Variants in PITHD1 observed in about 807,000 individuals in gnomAD.
The protein encoded by PITHD1 is PITH domain-containing protein 1.
Under a neutral mutation model 27.5 loss-of-function variants are expected in PITHD1, and 8 were observed. The observed-to-expected ratio is 0.29, with a 90% CI of 0.17 to 0.52. PITHD1 has a LOEUF of 0.52. PITHD1 is among the 20% of genes least tolerant of loss of function. PITHD1 has a pLI of 0.96. For missense variants in PITHD1, 233 were observed against 283.9 expected (o/e 0.82, Z 1.29); for synonymous variants, 118 against 106.8 (o/e 1.10, Z -0.64).
rs111948422 is a variant in PITHD1, at chr1:23,787,468, T to C, written c.*92T>C. 3.2e-5 allele frequency: 24 copies of C among 748,050 alleles called. No homozygotes were observed. In the African/African-American group the frequency reaches 3.3e-4, roughly 10 times the overall value. The allele number at this position is 748,050 out of a possible 1,614,324, so 46.3% of individuals were successfully genotyped here. A position where few individuals can be genotyped will look rare whatever the true frequency, so the allele number is the denominator to read the frequency against. ...CAAAGGGATGAGGCTCCAGAGAGAG[T>C]TGGCTGCCACAGCCTCTGCCAAGCT... On this transcript the variant is annotated 3_prime_UTR_variant, in exon 6 of 6. Coordinates refer to ENST00000246151, the MANE Select transcript of PITHD1 (RefSeq NM_020362.5).
rs1289573279 is a variant in PITHD1, at chr1:23,778,488, G to T, written c.-28G>T. 52 of 1,336,286 alleles carry T rather than the reference G, an allele frequency of 3.9e-5. No individual in the cohort carries two copies. The highest frequency in any genetic ancestry group is 4.8e-5 in the Non-Finnish European group (50 of 1,047,724). The allele number at this position is 1,336,286 out of a possible 1,614,324, so 82.8% of individuals were successfully genotyped here. ...GCCGAGCGAGCGCGGCGGTGGGGCC[G>T]AGAGGACGCGCAGGTGGCGGCGTTG... On this transcript the variant is annotated 5_prime_UTR_variant, in exon 1 of 6. Coordinates refer to ENST00000246151, the MANE Select transcript of PITHD1 (RefSeq NM_020362.5).
At chr1:23,784,219 G>C (rs934437900) in intron 3 of PITHD1, among the ~76,000 whole-genome samples, 2 of 142,290 alleles carry the variant, frequency 1.4e-5, no homozygotes, top group African/African-American at 5.1e-5. Context: ...ACACTTTGAA[G>C]TAAACATTTG....
At chr1:23,786,756 AT>A (rs940998179) in intron 5 of PITHD1, among the ~76,000 whole-genome samples, 1 of 151,170 alleles carries the variant, frequency 6.6e-6, no homozygotes, top group Admixed American at 6.6e-5. Flanking sequence ...CGCCTGGCTA[AT>A]TTTTTTGTAT....
At position 23,778,473 on chromosome 1, in the gene PITHD1, C is replaced by T. The variant is rs976365493; in HGVS notation, c.-43C>T. 51 of 1,299,578 alleles carry T rather than the reference C, an allele frequency of 3.9e-5. No homozygotes were observed. In the African/African-American group the frequency reaches 7.0e-4, roughly 18 times the overall value. The allele number at this position is 1,299,578 out of a possible 1,614,324, so 80.5% of individuals were successfully genotyped here. A position where few individuals can be genotyped will look rare whatever the true frequency, so the allele number is the denominator to read the frequency against. The stretch of plus-strand genomic sequence containing the variant: ...TCTGAGGCGAGCCGAGCCGAGCGAG[C>T]GCGGCGGTGGGGCCGAGAGGACGCG... On this transcript the variant is annotated 5_prime_UTR_variant, in exon 1 of 6. Transcript: ENST00000246151.
At chr1:23,784,927 T>C (rs564393172) in intron 3 of PITHD1, among the ~76,000 whole-genome samples, 1 of 152,210 alleles carries the variant, frequency 6.6e-6, no homozygotes, top group Non-Finnish European at 1.5e-5. Context: ...CACAAAAAAA[T>C]GCTTGAGCAT....
intron 3 of PITHD1, among the ~76,000 whole-genome samples, chr1:23,781,665 G>A (rs945788064): frequency 5.3e-5 from 8 of 152,188 alleles, no homozygotes; most frequent in African/African-American, 1.7e-4. Flanking sequence ...AGGCATCCAT[G>A]CTGCATTGTG....
At chr1:23,785,575 T>A in intron 3 of PITHD1, 100 bp from the exon 4 acceptor site, 1 of 655,866 alleles carries the variant, frequency 1.5e-6, no homozygotes. Flanking sequence ...CAGTCTCCTA[T>A]TGATAGAACC....
intron 1 of PITHD1, 21 bp downstream of exon 1, chr1:23,778,734 G>T: frequency 7.9e-7 from 1 of 1,260,602 alleles, no homozygotes; most frequent in East Asian, 3.1e-5. Flanking sequence ...TGGGGCTTGG[G>T]GCGGGCGGGG....
chr1:23,784,234 CTTTTTTT>C (rs774484769), intron 3 of PITHD1, among the ~76,000 whole-genome samples: 7 of 81,438 alleles, frequency 8.6e-5, no homozygotes, highest in East Asian at 8.0e-4. Context: ...CATTTGCTTT[CTTTTTTT>C]TTTTTTTTTT....
chr1:23,779,409 T>C, intron 1 of PITHD1, 29 bp from the exon 2 acceptor site: 1 of 1,592,244 alleles, frequency 6.3e-7, no homozygotes, highest in Non-Finnish European at 8.6e-7. Flanking sequence ...ATTTGTTGCT[T>C]TCTCCTCCCC....
At position 23,778,547 on chromosome 1, in the gene PITHD1, G is replaced by A; in HGVS notation, c.32G>A (p.Gly11Asp). Residue 11 changes from glycine (G) to aspartate (D), a missense_variant, in exon 1 of 6, where the codon GGC (glycine) becomes GAC (aspartate). Coordinates refer to ENST00000246151, the MANE Select transcript of PITHD1 (RefSeq NM_020362.5). Reference sequence around the variant, plus strand: ...CACGGTCACAGCCACGGCGGGGGTGGCTGCCGCTGCGCCGCCGAACGGGAG... The same window carrying A: ...CACGGTCACAGCCACGGCGGGGGTGACTGCCGCTGCGCCGCCGAACGGGAG... Reference protein sequence around the residue: MSHGHSHGGGGCRCAAEREEP... With the variant: MSHGHSHGGGDCRCAAEREEP... 3.7e-6 allele frequency: 5 copies of A among 1,339,578 alleles called. No individual in the cohort carries two copies. Among genetic ancestry groups the A allele is most frequent in the South Asian group, 1.9e-5 (1 of 52,448 alleles). 83.0% of individuals were successfully genotyped at this position (1,339,578 alleles called of 1,614,324 possible).
intron 1 of PITHD1, 191 bp from the exon 2 acceptor site, chr1:23,779,247 G>T: frequency 7.2e-6 from 4 of 556,708 alleles, no homozygotes; most frequent in Non-Finnish European, 1.3e-5. Context: ...GAACCTTCCA[G>T]TTGGGTGGCC....
At chr1:23,783,286 T>TACATATATACGC (rs1638629341) in intron 3 of PITHD1, among the ~76,000 whole-genome samples, 1 of 146,646 alleles carries the variant, frequency 6.8e-6, no homozygotes, top group Non-Finnish European at 1.5e-5. Context: ...CACATGTGTG[T>TACATATATACGC]ATATATATAT....
Position 23,787,419 on chromosome 1 carries a change from T to C in PITHD1, c.*43T>C. On this transcript the variant is annotated 3_prime_UTR_variant, in exon 6 of 6. Coordinates refer to ENST00000246151, the MANE Select transcript of PITHD1 (RefSeq NM_020362.5). ...CATAGAGGCGCTGTGTCAGTGAAGA[T>C]GTACGACTACCTGTTGGGAAGGACA... 4 of 1,096,914 alleles carry C rather than the reference T, an allele frequency of 3.6e-6. No homozygotes were observed. The highest frequency in any genetic ancestry group is 1.3e-5 in the South Asian group (1 of 78,840). 67.9% of individuals were successfully genotyped at this position (1,096,914 alleles called of 1,614,324 possible).
At chr1:23,779,962 C>T in intron 3 of PITHD1, 21 bp downstream of exon 3, 1 of 1,468,402 alleles carries the variant, frequency 6.8e-7, no homozygotes, top group Admixed American at 1.7e-5. Context: ...AAGGCTTAGG[C>T]CCTCAAAGGA....
In PITHD1 at chr1:23,785,655, T is replaced by A. The variant is rs1185321702; in HGVS notation, c.321-20T>A. 1.3e-6 allele frequency: 2 copies of A among 1,493,780 alleles called. No homozygotes were observed. Among genetic ancestry groups the A allele is most frequent in the Admixed American group, 1.7e-5 (1 of 59,542 alleles). 92.5% of individuals were successfully genotyped at this position (1,493,780 alleles called of 1,614,324 possible). On this transcript the variant is annotated intron_variant, in intron 3 of 5. Transcript: ENST00000246151. ...GTGATAATGCACATTTCTTGACTTT[T>A]CTTTCCTTTCCTTTCTCAGGTACAA...
chr1:23,778,692 G>T lies in PITHD1; in HGVS notation c.177G>T (p.Glu59Asp). ...GCCGCGGCGTCTTCAAGCCGTGGGA[G>T]GAGCGGACCGACCGCTCCAAGGTGG... The part of the protein sequence containing the change: ...GSGRGVFKPW[E>D]ERTDRSKFVE... Residue 59 changes from glutamate (E) to aspartate (D), a missense_variant, in exon 1 of 6, where the codon GAG becomes GAT. Physicochemically the swap from Glu to Asp is conservative, Grantham distance 45. Transcript: ENST00000246151. The T allele has an allele frequency of 7.7e-7, 1 of 1,305,614 alleles. No individual in the cohort carries two copies. 80.9% of individuals were successfully genotyped at this position (1,305,614 alleles called of 1,614,324 possible).
At chr1:23,780,642 G>A (rs968917046) in intron 3 of PITHD1, among the ~76,000 whole-genome samples, 16 of 152,244 alleles carry the variant, frequency 1.1e-4, no homozygotes, top group African/African-American at 3.9e-4. Context: ...AGCACTTTGG[G>A]AGGCTGAGGC....
intron 3 of PITHD1, among the ~76,000 whole-genome samples, chr1:23,782,724 C>A (rs1638620756): frequency 6.6e-6 from 1 of 152,004 alleles, no homozygotes; most frequent in African/African-American, 2.4e-5. Context: ...ACCGCAGCCT[C>A]CCAAGCAGCT....
Sources: gnomAD v4.1 joint callset for allele counts (sites outside exome capture counted in the v4.1 genomes callset) on GRCh38, gnomAD v4.1.1 for gene constraint, MANE v1.5 for transcripts, NCBI Gene and HGNC (gene_info 2026-07-23, HGNC 2026-07-21) for gene names.